THEMIS: variants seen among roughly 807,000 people sequenced by gnomAD.
THEMIS encodes protein THEMIS.
Under a neutral mutation model 52.6 loss-of-function variants are expected in THEMIS, and 37 were observed. The ratio of observed to expected loss-of-function variants is 0.70; its 90% confidence interval spans 0.54 to 0.93. The LOEUF is 0.93. Ranked by LOEUF, THEMIS falls within the 40% of genes least tolerant of loss-of-function variation. The probability of loss-of-function intolerance (pLI) is 0.00; values close to 1 mark genes in which losing one functional copy is unlikely to be tolerated. For missense variants in THEMIS, 808 were observed against 763.1 expected (o/e 1.06, Z -0.69); for synonymous variants, 292 against 272.7 (o/e 1.07, Z -0.70).
At chr6:127,835,996 C>T (rs907155758) in intron 2 of THEMIS, among the ~76,000 whole-genome samples, 8 of 152,050 alleles carry the variant, frequency 5.3e-5, no homozygotes, top group East Asian at 3.9e-4. Context: ...TTATGCTGCT[C>T]GTTGTTATTC....
chr6:127,779,161 A>C (rs1357582322), intron 4 of THEMIS, among the ~76,000 whole-genome samples: 1 of 152,164 alleles, frequency 6.6e-6, no homozygotes, highest in Non-Finnish European at 1.5e-5. Context: ...TCAGGGTTCA[A>C]CGTGTTCCTC....
intron 1 of THEMIS, among the ~76,000 whole-genome samples, chr6:127,908,061 A>G (rs1042442148): frequency 1.1e-4 from 17 of 152,138 alleles, no homozygotes; most frequent in Non-Finnish European, 1.6e-4. Context: ...TTCATTCATC[A>G]CCACCTGGTT....
At chr6:127,849,677 A>T (rs1234693058) in intron 2 of THEMIS, among the ~76,000 whole-genome samples, 1 of 151,976 alleles carries the variant, frequency 6.6e-6, no homozygotes, top group Non-Finnish European at 1.5e-5. Context: ...GTGCTAGAAA[A>T]ACTGTCAAGC....
At chr6:127,783,981 C>G (rs1776837004) in intron 4 of THEMIS, among the ~76,000 whole-genome samples, 1 of 152,138 alleles carries the variant, frequency 6.6e-6, no homozygotes, top group South Asian at 2.1e-4. Context: ...GACTTGGAAC[C>G]AACCCAAATG....
intron 4 of THEMIS, among the ~76,000 whole-genome samples, chr6:127,787,844 G>GAT (rs1777010600): frequency 1.8e-5 from 2 of 112,144 alleles, no homozygotes; most frequent in African/African-American, 7.1e-5. Flanking sequence ...GATAGAGATA[G>GAT]ACAGATATAG....
At chr6:127,831,451 T>C (rs1778696244) in intron 2 of THEMIS, among the ~76,000 whole-genome samples, 1 of 152,138 alleles carries the variant, frequency 6.6e-6, no homozygotes, top group African/African-American at 2.4e-5. Context: ...TCTAAGAAGA[T>C]AGTGTATTTT....
chr6:127,851,078 G>A (rs1057416128), intron 2 of THEMIS, among the ~76,000 whole-genome samples: 2 of 151,442 alleles, frequency 1.3e-5, no homozygotes, highest in Non-Finnish European at 3.0e-5. Flanking sequence ...TGAAGAAAAT[G>A]CAATTGAGAT....
intron 4 of THEMIS, among the ~76,000 whole-genome samples, chr6:127,746,762 ATAT>A (rs1775410381): frequency 1.3e-5 from 1 of 75,936 alleles, no homozygotes; most frequent in South Asian, 4.0e-4. Flanking sequence ...ATATATTATT[ATAT>A]AATTATATTA....
intron 2 of THEMIS, among the ~76,000 whole-genome samples, chr6:127,830,751 A>G (rs899383870): frequency 6.6e-6 from 1 of 152,198 alleles, no homozygotes; most frequent in African/African-American, 2.4e-5. Context: ...GATAGATAGC[A>G]GTGATGGTTG....
At chr6:127,804,377 A>C (rs537019220) in intron 4 of THEMIS, among the ~76,000 whole-genome samples, 12 of 152,292 alleles carry the variant, frequency 7.9e-5, no homozygotes, top group African/African-American at 2.9e-4. Flanking sequence ...TAACCATGAC[A>C]CACCTTATAT....
At chr6:127,762,902 TTAC>T (rs552336096) in intron 4 of THEMIS, among the ~76,000 whole-genome samples, 54 of 152,054 alleles carry the variant, frequency 3.6e-4, no homozygotes, top group African/African-American at 1.3e-3. Flanking sequence ...GTCTACCAAG[TTAC>T]TACATTTCAT....
intron 4 of THEMIS, among the ~76,000 whole-genome samples, chr6:127,790,616 A>T (rs1777123734): frequency 1.3e-5 from 2 of 151,484 alleles, no homozygotes; most frequent in African/African-American, 4.9e-5. Flanking sequence ...CTGTCCAGAA[A>T]CCTCTGTGGT....
chr6:127,744,932 T>C (rs1196720002), intron 4 of THEMIS, among the ~76,000 whole-genome samples: 1 of 151,960 alleles, frequency 6.6e-6, no homozygotes, highest in African/African-American at 2.4e-5. Flanking sequence ...GATATAATTG[T>C]AATATCAAGG....
rs1778743267 is a variant in THEMIS, at chr6:127,832,787, T to TTTTTTTTTTTTTTC, written c.251-2854_251-2853insGAAAAAAAAAAAAA. 1.6e-5 allele frequency among the ~76,000 whole-genome samples: 2 copies of TTTTTTTTTTTTTTC among 127,134 alleles called. 1 individual carries two copies. Among genetic ancestry groups the TTTTTTTTTTTTTTC allele is most frequent in the Non-Finnish European group, 3.3e-5 (2 of 61,282 alleles). The allele number at this position is 127,134 out of a possible 152,430, so 83.4% of individuals were successfully genotyped here. On this transcript the variant is annotated intron_variant, in intron 2 of 5. Transcript: ENST00000368248. Reference sequence around the variant, plus strand: ...CTAGGATTGTCAGATCTTTTTTTTTTTTTTTTTTTTTTTTGAGATGGAGTC... The same window carrying TTTTTTTTTTTTTTC: ...CTAGGATTGTCAGATCTTTTTTTTTTTTTTTTTTTTTTTCTTTTTTTTTTTTTTGAGATGGAGTC...
intron 2 of THEMIS, among the ~76,000 whole-genome samples, chr6:127,830,494 T>C (rs1778663975): frequency 6.6e-6 from 1 of 150,386 alleles, no homozygotes. Flanking sequence ...GAGACCAACT[T>C]TGGCAATGTG....
chr6:127,874,469 T>A (rs1435963225), intron 1 of THEMIS, among the ~76,000 whole-genome samples: 1 of 152,228 alleles, frequency 6.6e-6, no homozygotes, highest in African/African-American at 2.4e-5. Context: ...AGTAGCTACA[T>A]ATATTGTATG....
At chr6:127,852,629 A>G (rs1259028634) in intron 2 of THEMIS, among the ~76,000 whole-genome samples, 1 of 151,574 alleles carries the variant, frequency 6.6e-6, no homozygotes, top group African/African-American at 2.4e-5. Context: ...TGACTTTTTA[A>G]GTCAAAAATC....
intron 1 of THEMIS, among the ~76,000 whole-genome samples, chr6:127,913,563 A>C (rs1781457693): frequency 6.6e-6 from 1 of 152,200 alleles, no homozygotes; most frequent in Non-Finnish European, 1.5e-5. Flanking sequence ...CTACATTCTT[A>C]CCTTCTCCTC....
At chr6:127,718,047 T>C (rs554169611) in intron 5 of THEMIS, among the ~76,000 whole-genome samples, 4 of 151,998 alleles carry the variant, frequency 2.6e-5, no homozygotes, top group Admixed American at 2.6e-4. Flanking sequence ...GTGAGTCTTT[T>C]TTTTGGAAAT....
Sources: gnomAD v4.1 joint callset for allele counts (sites outside exome capture counted in the v4.1 genomes callset) on GRCh38, gnomAD v4.1.1 for gene constraint, MANE v1.5 for transcripts, NCBI Gene and HGNC (gene_info 2026-07-23, HGNC 2026-07-21) for gene names.